Variants in PTPN6 observed in about 807,000 individuals in gnomAD.
PTPN6 encodes the protein protein tyrosine phosphatase non-receptor type 6.
In PTPN6, 18 loss-of-function variants were observed where a neutral mutation model predicts 81.5. That is an observed-to-expected ratio of 0.22 (90% CI 0.15 to 0.33). The LOEUF (loss-of-function observed/expected upper bound fraction) is 0.33, where lower values mean the gene tolerates loss of function less well. Ranked by LOEUF, PTPN6 falls within the 10% of genes least tolerant of loss-of-function variation. PTPN6 has a pLI of 1.00. For synonymous variants in PTPN6, 301 were observed against 310.9 expected (o/e 0.97, Z 0.33); for missense variants, 500 against 794.2 (o/e 0.63, Z 4.45).
rs1301951009 is a variant in PTPN6, at chr12:6,960,563, C to T, written c.1673+128C>T. 2 of 1,426,052 alleles carry T rather than the reference C, an allele frequency of 1.4e-6. No individual in the cohort carries two copies. Among genetic ancestry groups the T allele is most frequent in the East Asian group, 2.5e-5 (1 of 40,302 alleles). 88.3% of individuals were successfully genotyped at this position (1,426,052 alleles called of 1,614,324 possible). On this transcript the variant is annotated intron_variant, in intron 14 of 15. Coordinates refer to ENST00000318974, the MANE Select transcript of PTPN6 (RefSeq NM_002831.6). This position sits in a 1 kb window ranked among gnomAD's most constrained non-coding sequence, Gnocchi z 6.1. The stretch of plus-strand genomic sequence containing the variant: ...GCTTCAAGTTCAGGCTTGGTTCTCA[C>T]CCCTTCTGTTCATAAGCATTTCCTG...
chr12:6,946,774 TGTTA>T (rs1555146873), upstream of PTPN6: 1 of 1,598,088 alleles, frequency 6.3e-7, no homozygotes, highest in South Asian at 1.1e-5. Context: ...CCCAGTCTCC[TGTTA>T]GTTTTGGAGG....
chr12:6,948,141 A>G (rs1555147127), upstream of PTPN6, among the ~76,000 whole-genome samples: 1 of 151,958 alleles, frequency 6.6e-6, no homozygotes, highest in African/African-American at 2.4e-5. Flanking sequence ...AATACTGGGT[A>G]TGATGGCCCA....
Position 6,954,732 on chromosome 12 carries a change from C to G in PTPN6, c.327-73C>G. On this transcript the variant is annotated intron_variant, in intron 3 of 15. Coordinates refer to ENST00000318974, the MANE Select transcript of PTPN6 (RefSeq NM_002831.6). This position sits in a 1 kb window ranked among gnomAD's most constrained non-coding sequence, Gnocchi z 5.4. ...AGTAGGTGCTTGATTTCCGGCCCCT[C>G]TCTGTGAATGTCTCTGCTCAGCGCC... 1.3e-6 allele frequency: 2 copies of G among 1,484,804 alleles called. No homozygotes were observed. The highest frequency in any genetic ancestry group is 1.2e-5 in the South Asian group (1 of 85,748). The allele number at this position is 1,484,804 out of a possible 1,614,324, so 92.0% of individuals were successfully genotyped here. A position where few individuals can be genotyped will look rare whatever the true frequency, so the allele number is the denominator to read the frequency against.
upstream of PTPN6, among the ~76,000 whole-genome samples, chr12:6,949,096 C>T (rs1555147316): frequency 1.3e-5 from 2 of 152,180 alleles, no homozygotes; most frequent in African/African-American, 4.8e-5. Context: ...CTGTCGGCCC[C>T]ACCGATGGGG....
intron 3 of PTPN6, among the ~76,000 whole-genome samples, chr12:6,953,889 C>T (rs1025000572): frequency 6.6e-6 from 1 of 152,156 alleles, no homozygotes; most frequent in Non-Finnish European, 1.5e-5. Context: ...CTCCTTCCCC[C>T]CATCCCTGCG....
Position 6,954,717 on chromosome 12 carries a change from T to G in PTPN6, c.327-88T>G, listed in dbSNP as rs1426952300. 7.3e-7 allele frequency: 1 copy of G among 1,372,474 alleles called. No homozygotes were observed. Among genetic ancestry groups the G allele is most frequent in the Non-Finnish European group, 1.0e-6 (1 of 992,344 alleles). 85.0% of individuals were successfully genotyped at this position (1,372,474 alleles called of 1,614,324 possible). ...CAGTGCCTGGCACACAGTAGGTGCT[T>G]GATTTCCGGCCCCTCTCTGTGAATG... On this transcript the variant is annotated intron_variant, in intron 3 of 15. Transcript: ENST00000318974. This position sits in a 1 kb window ranked among gnomAD's most constrained non-coding sequence, Gnocchi z 5.4.
In PTPN6 at chr12:6,961,258, C is replaced by T. The variant is rs1284995076; in HGVS notation, c.*158C>T. The T allele has an allele frequency of 2.7e-6, 1 of 371,354 alleles. No homozygotes were observed. The highest frequency in any genetic ancestry group is 2.1e-5 in the African/African-American group (1 of 48,040). The allele number at this position is 371,354 out of a possible 1,614,324, so 23.0% of individuals were successfully genotyped here. On this transcript the variant is annotated 3_prime_UTR_variant, in exon 16 of 16. Transcript: ENST00000318974. The stretch of plus-strand genomic sequence containing the variant: ...TCCCTGACCCTGTATATAGCCCAGC[C>T]AGGCCCCAGGCAGGGCCAACCCTTC...
chr12:6,960,499 C>T lies in PTPN6; in HGVS notation c.1673+64C>T. On this transcript the variant is annotated intron_variant, in intron 14 of 15. Coordinates refer to ENST00000318974, the MANE Select transcript of PTPN6 (RefSeq NM_002831.6). The surrounding 1 kb of genome is among the most constrained non-coding windows in gnomAD (Gnocchi z 6.1). ...TTTGTCCTGCCCAGCCCGATCCTCA[C>T]TTTCTGGAGAGGACAAGTGTTGCAG... The T allele has an allele frequency of 8.4e-6, 13 of 1,539,112 alleles. No individual in the cohort carries two copies. The highest frequency in any genetic ancestry group is 9.8e-6 in the Non-Finnish European group (11 of 1,121,424).
At position 6,955,812 on chromosome 12, in the gene PTPN6, C is replaced by A; in HGVS notation, c.844+56C>A. 6.6e-7 allele frequency: 1 copy of A among 1,506,882 alleles called. No individual in the cohort carries two copies. Among genetic ancestry groups the A allele is most frequent in the South Asian group, 1.1e-5 (1 of 88,706 alleles). 93.3% of individuals were successfully genotyped at this position (1,506,882 alleles called of 1,614,324 possible). A position where few individuals can be genotyped will look rare whatever the true frequency, so the allele number is the denominator to read the frequency against. On this transcript the variant is annotated intron_variant, in intron 7 of 15. Transcript: ENST00000318974. This position sits in a 1 kb window ranked among gnomAD's most constrained non-coding sequence, Gnocchi z 7.2. ...GATACCGCCCCTGCCCCAGCTGCCT[C>A]CCCTCATCTCACAGGTCTCCACCCT... is the stretch of plus-strand genomic sequence containing the variant.
Position 6,959,527 on chromosome 12 carries a change from C to A in PTPN6, c.1362-400C>A. 1 of 355,728 alleles carries A rather than the reference C, an allele frequency of 2.8e-6. No individual in the cohort carries two copies. Among genetic ancestry groups the A allele is most frequent in the Non-Finnish European group, 5.3e-6 (1 of 188,094 alleles). The allele number at this position is 355,728 out of a possible 1,614,324, so 22.0% of individuals were successfully genotyped here. A position where few individuals can be genotyped will look rare whatever the true frequency, so the allele number is the denominator to read the frequency against. On this transcript the variant is annotated intron_variant, in intron 11 of 15. Coordinates refer to ENST00000318974, the MANE Select transcript of PTPN6 (RefSeq NM_002831.6). The surrounding 1 kb of genome is among the most constrained non-coding windows in gnomAD (Gnocchi z 6.6). ...GGTTTGAAGGAAAAGGGAAGTGAAG[C>A]CATGCTGAGAGACGCTCCATAACTC...
Position 6,956,647 on chromosome 12 carries a change from G to A in PTPN6, c.1074+79G>A. On this transcript the variant is annotated intron_variant, in intron 9 of 15. Transcript: ENST00000318974. The surrounding 1 kb of genome is among the most constrained non-coding windows in gnomAD (Gnocchi z 4.1). ...AAGTCGAAGAGCAGTCAGATGCCAG[G>A]GCAGAAAGGGATCTCAGGGGTGAGG... is the stretch of plus-strand genomic sequence containing the variant. 1 of 1,579,948 alleles carries A rather than the reference G, an allele frequency of 6.3e-7. No homozygotes were observed. The highest frequency in any genetic ancestry group is 8.7e-7 in the Non-Finnish European group (1 of 1,155,750).
chr12:6,960,565 CCTT>C lies in PTPN6; in HGVS notation c.1673+133_1673+135del. On this transcript the variant is annotated intron_variant, in intron 14 of 15. Transcript: ENST00000318974. The surrounding 1 kb of genome is among the most constrained non-coding windows in gnomAD (Gnocchi z 6.1). ...TTCAAGTTCAGGCTTGGTTCTCACC[CCTT>C]CTGTTCATAAGCATTTCCTGAGTGC... 1 of 1,426,292 alleles carries C rather than the reference CCTT, an allele frequency of 7.0e-7. No homozygotes were observed. The highest frequency in any genetic ancestry group is 9.7e-7 in the Non-Finnish European group (1 of 1,034,722). The allele number at this position is 1,426,292 out of a possible 1,614,324, so 88.4% of individuals were successfully genotyped here.
upstream of PTPN6, among the ~76,000 whole-genome samples, chr12:6,949,548 TTC>T (rs1273325550): frequency 1.3e-5 from 2 of 152,180 alleles, no homozygotes; most frequent in Non-Finnish European, 2.9e-5. Flanking sequence ...GAGTCTTAGT[TTC>T]TGTTTCTAAA....
chr12:6,950,494 C>A (rs1945906085), upstream of PTPN6, among the ~76,000 whole-genome samples: 1 of 152,128 alleles, frequency 6.6e-6, no homozygotes, highest in African/African-American at 2.4e-5. Flanking sequence ...AGGAGATAGG[C>A]CCCCTGGTGG....
chr12:6,952,099 A>G lies in PTPN6; in HGVS notation c.248A>G (p.Gln83Arg), dbSNP rs782393921. The G allele has an allele frequency of 1.2e-6, 2 of 1,613,992 alleles. No homozygotes were observed. The highest frequency in any genetic ancestry group is 3.3e-5 in the Admixed American group (2 of 59,990). ...TELVEYYTQQQGVLQDRDGTI... is the reference protein window; with the variant it reads ...TELVEYYTQQRGVLQDRDGTI... The stretch of plus-strand genomic sequence containing the variant: ...CTGGTGGAGTACTACACTCAGCAGC[A>G]GGGTGTCCTGCAGGACCGCGACGGC... The change falls in exon 3 of 16, where the codon CAG (glutamine) becomes CGG (arginine). Residue 83 changes from glutamine to arginine, a missense_variant. Physicochemically the swap from Gln to Arg is conservative, Grantham distance 43. Transcript: ENST00000318974. The surrounding 1 kb of genome is among the most constrained non-coding windows in gnomAD (Gnocchi z 8.1).
chr12:6,960,532 G>T lies in PTPN6; in HGVS notation c.1673+97G>T. 2.1e-6 allele frequency: 3 copies of T among 1,458,038 alleles called. No individual in the cohort carries two copies. The highest frequency in any genetic ancestry group is 2.8e-6 in the Non-Finnish European group (3 of 1,061,246). The allele number at this position is 1,458,038 out of a possible 1,614,324, so 90.3% of individuals were successfully genotyped here. ...AGAGGACAAGTGTTGCAGCTGGGGG[G>T]ACCTGGCTTCAAGTTCAGGCTTGGT... On this transcript the variant is annotated intron_variant, in intron 14 of 15. Transcript: ENST00000318974. The surrounding 1 kb of genome is among the most constrained non-coding windows in gnomAD (Gnocchi z 6.1).
In PTPN6 at chr12:6,959,930, C is replaced by T. The variant is rs370019783; in HGVS notation, c.1365C>T (p.Ala455=). Reference sequence around the variant, plus strand: ...TGGCACCCCCGTCTTTCCCCAGCGCCGGCATCGGCCGCACAGGCACCATCA... The same window carrying T: ...TGGCACCCCCGTCTTTCCCCAGCGCTGGCATCGGCCGCACAGGCACCATCA... ...HAGPIIVHCS[A]GIGRTGTIIV... The change falls in exon 12 of 16, where the codon GCC becomes GCT. Residue 455 remains alanine, a synonymous_variant. Transcript: ENST00000318974. The surrounding 1 kb of genome is among the most constrained non-coding windows in gnomAD (Gnocchi z 6.6). 1.4e-5 allele frequency: 23 copies of T among 1,610,174 alleles called. No homozygotes were observed. Among genetic ancestry groups the T allele is most frequent in the African/African-American group, 6.7e-5 (5 of 74,624 alleles).
upstream of PTPN6, chr12:6,946,812 A>C: frequency 6.8e-7 from 1 of 1,467,286 alleles, no homozygotes; most frequent in South Asian, 1.2e-5. Context: ...GTTGATGCTC[A>C]CTCCGACGTG....
In PTPN6 at chr12:6,954,658, C is replaced by T; in HGVS notation, c.327-147C>T. ...AGCTCTCAGCATGTTTGTGAGAGAC[C>T]TAAATGAGGTGGTGGATTTGGAAGC... On this transcript the variant is annotated intron_variant, in intron 3 of 15. Coordinates refer to ENST00000318974, the MANE Select transcript of PTPN6 (RefSeq NM_002831.6). The surrounding 1 kb of genome is among the most constrained non-coding windows in gnomAD (Gnocchi z 5.4). 1 of 753,614 alleles carries T rather than the reference C, an allele frequency of 1.3e-6. No individual in the cohort carries two copies. Among genetic ancestry groups the T allele is most frequent in the South Asian group, 1.6e-5 (1 of 60,712 alleles). 46.7% of individuals were successfully genotyped at this position (753,614 alleles called of 1,614,324 possible).
Sources: gnomAD v4.1 joint callset for allele counts (sites outside exome capture counted in the v4.1 genomes callset) on GRCh38, gnomAD v4.1.1 for gene constraint, Gnocchi (gnomAD v3.1) non-coding constraint, MANE v1.5 for transcripts, NCBI Gene and HGNC (gene_info 2026-07-23, HGNC 2026-07-21) for gene names.